The following TAF4B variants were observed in gnomAD, a reference collection of about 807,000 sequenced individuals.
The protein encoded by TAF4B is TATA-box binding protein associated factor 4b.
Under a neutral mutation model 86.4 loss-of-function variants are expected in TAF4B, and 38 were observed. The ratio of observed to expected loss-of-function variants is 0.44; its 90% confidence interval spans 0.34 to 0.58. TAF4B has a LOEUF of 0.58. Among genes scored for constraint, TAF4B ranks in the 20% least tolerant of loss-of-function variants. The pLI, the probability that TAF4B is intolerant of heterozygous loss-of-function variation, is 0.02. For synonymous variants in TAF4B, 388 were observed against 391.2 expected (o/e 0.99, Z 0.10); for missense variants, 988 against 1,027.6 (o/e 0.96, Z 0.53).
intron 9 of TAF4B, among the ~76,000 whole-genome samples, chr18:26,305,687 T>TA (rs1265039629): frequency 1.3e-5 from 2 of 152,192 alleles, no homozygotes; most frequent in Admixed American, 6.5e-5. Context: ...TTTGTTTTGA[T>TA]ATTACTATTT....
intron 9 of TAF4B, among the ~76,000 whole-genome samples, chr18:26,311,152 G>A (rs1172058660): frequency 6.6e-6 from 1 of 152,058 alleles, no homozygotes; most frequent in Non-Finnish European, 1.5e-5. Context: ...TGGAATTTAA[G>A]GCAAATACAT....
In TAF4B at chr18:26,354,582, G is replaced by A. The variant is rs79456809; in HGVS notation, c.2317-3108G>A. On this transcript the variant is annotated intron_variant, in intron 13 of 14. Transcript: ENST00000269142. The stretch of plus-strand genomic sequence containing the variant: ...CCTATGGCTTGAGCTGTTAGAAACT[G>A]TGTTAATGTTTTTTAGGCCAAGGTT... Among the ~76,000 whole-genome samples the A allele has an allele frequency of 9.8e-3, 1,495 of 152,308 alleles. 12 individuals carry two copies. Among genetic ancestry groups the A allele is most frequent in the African/African-American group, 0.033 (1,390 of 41,566 alleles).
At chr18:26,354,210 G>C (rs1397241740) in intron 13 of TAF4B, among the ~76,000 whole-genome samples, 2 of 152,190 alleles carry the variant, frequency 1.3e-5, no homozygotes, top group Admixed American at 1.3e-4. Context: ...AAGTAGCTGG[G>C]ATTACAGGCG....
chr18:26,355,271 A>AT (rs1199674795), intron 13 of TAF4B, among the ~76,000 whole-genome samples: 11 of 151,968 alleles, frequency 7.2e-5, no homozygotes, highest in East Asian at 3.9e-4. Flanking sequence ...TCTTAGGAGG[A>AT]TTTTTTTTAT....
At chr18:26,239,613 T>C (rs56896720) in intron 1 of TAF4B, among the ~76,000 whole-genome samples, 16,854 of 152,230 alleles carry the variant, frequency 0.11, 939 homozygotes, top group Middle Eastern at 0.14. Flanking sequence ...TTGTCAATTT[T>C]GGCTTTTGTT....
At chr18:26,279,969 G>T (rs947940439) in intron 5 of TAF4B, among the ~76,000 whole-genome samples, 6 of 151,892 alleles carry the variant, frequency 4.0e-5, no homozygotes, top group African/African-American at 1.5e-4. Flanking sequence ...GCCTGAACCT[G>T]GGAGGGGGAG....
intron 13 of TAF4B, among the ~76,000 whole-genome samples, chr18:26,342,646 G>C (rs1306072315): frequency 6.6e-6 from 1 of 152,168 alleles, no homozygotes; most frequent in Non-Finnish European, 1.5e-5. Context: ...ATGAAGAGAT[G>C]AGTACCTAAC....
At chr18:26,370,095 A>G (rs2057396830) in intron 14 of TAF4B, among the ~76,000 whole-genome samples, 1 of 152,234 alleles carries the variant, frequency 6.6e-6, no homozygotes, top group South Asian at 2.1e-4. Flanking sequence ...TTTTAGTGAC[A>G]ATAATAATGA....
At chr18:26,274,874 T>A in intron 4 of TAF4B, 50 bp downstream of exon 4, 1 of 1,612,868 alleles carries the variant, frequency 6.2e-7, no homozygotes, top group Non-Finnish European at 8.5e-7. Context: ...GCAAGTTCTT[T>A]TGAATTGTTT....
intron 14 of TAF4B, among the ~76,000 whole-genome samples, chr18:26,374,550 C>T (rs945996647): frequency 6.6e-6 from 1 of 152,134 alleles, no homozygotes; most frequent in African/African-American, 2.4e-5. Context: ...TCAGTCAGGT[C>T]TTAGAGGGTT....
chr18:26,245,266 A>T (rs891008801), intron 1 of TAF4B, among the ~76,000 whole-genome samples: 1 of 152,158 alleles, frequency 6.6e-6, no homozygotes, highest in Non-Finnish European at 1.5e-5. Context: ...AGATGTGTCC[A>T]GAGTTGGTTC....
intron 13 of TAF4B, among the ~76,000 whole-genome samples, chr18:26,340,742 C>A (rs1244590003): frequency 6.6e-6 from 1 of 151,996 alleles, no homozygotes; most frequent in East Asian, 1.9e-4. Flanking sequence ...AATCATTGAT[C>A]TAGGATGAGA....
intron 9 of TAF4B, among the ~76,000 whole-genome samples, chr18:26,302,859 TA>T (rs998553608): frequency 2.6e-4 from 39 of 152,202 alleles, no homozygotes; most frequent in Middle Eastern, 6.8e-3. Context: ...CTCTTTTTTT[TA>T]ATCTTTCTTT....
chr18:26,245,510 C>T (rs2055909387), intron 1 of TAF4B, among the ~76,000 whole-genome samples: 1 of 152,122 alleles, frequency 6.6e-6, no homozygotes, highest in African/African-American at 2.4e-5. Flanking sequence ...TGTTCCATTT[C>T]TGTCCTATCA....
At chr18:26,287,016 A>G (rs2056532424) in intron 7 of TAF4B, among the ~76,000 whole-genome samples, 1 of 152,182 alleles carries the variant, frequency 6.6e-6, no homozygotes, top group Non-Finnish European at 1.5e-5. Context: ...TCTTTACTGA[A>G]CCACCTGAGA....
chr18:26,280,760 A>G (rs1411022380), intron 5 of TAF4B, among the ~76,000 whole-genome samples: 1 of 152,242 alleles, frequency 6.6e-6, no homozygotes, highest in Non-Finnish European at 1.5e-5. Flanking sequence ...AAAGAACTAA[A>G]AATAGAACTA....
chr18:26,296,467 A>G (rs574149574), intron 9 of TAF4B, among the ~76,000 whole-genome samples: 1 of 148,200 alleles, frequency 6.7e-6, no homozygotes, highest in Non-Finnish European at 1.5e-5. Context: ...GCCTGTAGCA[A>G]GCCTTGAGGC....
chr18:26,252,070 G>A (rs8085251), intron 1 of TAF4B, among the ~76,000 whole-genome samples: 97,764 of 152,040 alleles, frequency 0.64, 33,586 homozygotes, highest in African/African-American at 0.87. Flanking sequence ...CCAGTGAGGT[G>A]GGTCTGAGGT....
At chr18:26,233,523 T>C (rs1416452152) in intron 1 of TAF4B, among the ~76,000 whole-genome samples, 1 of 152,128 alleles carries the variant, frequency 6.6e-6, no homozygotes, top group East Asian at 1.9e-4. Flanking sequence ...CTATGATCAG[T>C]TGGGGCTTGA....
Sources: allele counts gnomAD v4.1 joint callset (sites outside exome capture counted in the v4.1 genomes callset), GRCh38; gene constraint gnomAD v4.1.1; transcripts MANE v1.5; gene names NCBI Gene and HGNC (gene_info 2026-07-23, HGNC 2026-07-21).